The following KLHL13 variants were observed in gnomAD, a reference collection of about 807,000 sequenced individuals.
KLHL13 encodes the protein kelch-like protein 13.
KLHL13 carries 10 observed loss-of-function variants against 37.1 expected under a neutral mutation model. The observed-to-expected ratio is 0.27, with a 90% CI of 0.17 to 0.46. The LOEUF (loss-of-function observed/expected upper bound fraction) is 0.46. Ranked by LOEUF, KLHL13 falls within the 20% of genes least tolerant of loss-of-function variation. The pLI is 1.00. For missense variants in KLHL13, 360 were observed against 509.3 expected (o/e 0.71, Z 2.82); for synonymous variants, 163 against 181.2 (o/e 0.90, Z 0.81).
At chrX:118,024,721 A>T (rs1321830454) in intron 1 of KLHL13, among the ~76,000 whole-genome samples, 1 of 111,963 alleles carries the variant, frequency 8.9e-6, no homozygotes, top group Non-Finnish European at 1.9e-5. Context: ...AAAATTAAAG[A>T]AGCTAACAAT....
chrX:118,041,634 T>C (rs2054507547), intron 1 of KLHL13, among the ~76,000 whole-genome samples: 1 of 112,181 alleles, frequency 8.9e-6, no homozygotes, highest in African/African-American at 3.2e-5. Flanking sequence ...TTTGTTTGAT[T>C]ATTTACACAT....
intron 1 of KLHL13, among the ~76,000 whole-genome samples, chrX:118,061,896 G>C (rs2054746644): frequency 9.0e-6 from 1 of 111,612 alleles, no homozygotes; most frequent in South Asian, 3.7e-4. Flanking sequence ...AAAATGTTCT[G>C]TAACACTAAG....
intron 1 of KLHL13, among the ~76,000 whole-genome samples, chrX:117,961,529 T>C (rs147911606): frequency 0.021 from 2,292 of 111,532 alleles, 26 homozygotes; most frequent in Non-Finnish European, 0.031. Flanking sequence ...ACTTTGAAAA[T>C]GTGATAAAGG....
chrX:117,996,600 C>T (rs552477582), intron 1 of KLHL13, among the ~76,000 whole-genome samples: 1 of 111,463 alleles, frequency 9.0e-6, no homozygotes, highest in East Asian at 2.8e-4. Context: ...CTGAACACTG[C>T]ACCAGTAATT....
intron 1 of KLHL13, among the ~76,000 whole-genome samples, chrX:118,038,157 G>T (rs1292820792): frequency 1.8e-5 from 2 of 112,186 alleles, no homozygotes; most frequent in Non-Finnish European, 3.8e-5. Flanking sequence ...GGAACTAGAA[G>T]TGTCAATGTA....
intron 1 of KLHL13, among the ~76,000 whole-genome samples, chrX:117,984,580 G>A (rs1239609685): frequency 1.8e-5 from 2 of 111,040 alleles, no homozygotes; most frequent in Non-Finnish European, 3.8e-5. Context: ...TATGAAAAAA[G>A]TAGGTGGAAA....
chrX:117,973,080 G>C (rs187226456), exon 1 of KLHL13: 5 of 1,004,124 alleles, frequency 5.0e-6, no homozygotes, highest in Non-Finnish European at 6.3e-6. Flanking sequence ...CCAGAAAAGC[G>C]TTGACTGCAG....
intron 1 of KLHL13, among the ~76,000 whole-genome samples, chrX:118,053,342 A>C (rs963703582): frequency 8.9e-6 from 1 of 111,757 alleles, no homozygotes; most frequent in Admixed American, 9.5e-5. Context: ...CCTTTGTAGG[A>C]ACATGGATGA....
At chrX:117,978,599 G>A (rs2053620818), upstream of KLHL13, among the ~76,000 whole-genome samples, 1 of 110,667 alleles carries the variant, frequency 9.0e-6, no homozygotes, top group South Asian at 3.9e-4. Flanking sequence ...TGGGATGAGT[G>A]GGCAAAAATA....
intron 1 of KLHL13, among the ~76,000 whole-genome samples, chrX:117,995,204 A>G (rs181788299): frequency 1.8e-5 from 2 of 112,220 alleles, no homozygotes; most frequent in Admixed American, 1.9e-4. Context: ...TTTAAAACTT[A>G]CATTTATCTT....
chrX:118,093,448 T>G (rs2055163545), intron 1 of KLHL13, among the ~76,000 whole-genome samples: 1 of 111,684 alleles, frequency 9.0e-6, no homozygotes, highest in Non-Finnish European at 1.9e-5. Context: ...AGAATCAGAT[T>G]TTAGGTCAGG....
intron 1 of KLHL13, 34 bp from the exon 2 acceptor site, chrX:118,028,531 T>G (rs750908162): frequency 3.0e-6 from 2 of 660,374 alleles, no homozygotes; most frequent in Non-Finnish European, 4.6e-6. Flanking sequence ...ATATTTACTA[T>G]GAAGATTAAC....
chrX:117,915,317 TTTTG>T (rs1354579977), intron 4 of KLHL13, among the ~76,000 whole-genome samples: 2 of 110,930 alleles, frequency 1.8e-5, no homozygotes, highest in Non-Finnish European at 1.9e-5. Flanking sequence ...TTCTGATTCT[TTTTG>T]TTTTTCTTTT....
chrX:118,023,190 T>A (rs1397714638), intron 1 of KLHL13, among the ~76,000 whole-genome samples: 1 of 111,827 alleles, frequency 8.9e-6, no homozygotes, highest in Non-Finnish European at 1.9e-5. Context: ...TTACTGACAT[T>A]GGACAGAATT....
chrX:117,978,394 A>G (rs1330858603), upstream of KLHL13, among the ~76,000 whole-genome samples: 3 of 111,715 alleles, frequency 2.7e-5, no homozygotes, highest in Non-Finnish European at 5.6e-5. Context: ...AAAAACAGCA[A>G]TAAGAGATGC....
intron 1 of KLHL13, among the ~76,000 whole-genome samples, chrX:118,086,747 A>T (rs763845778): frequency 3.6e-5 from 4 of 111,674 alleles, no homozygotes; most frequent in Admixed American, 9.5e-5. Flanking sequence ...GCCTCCAGAG[A>T]GAGAAGACTT....
intron 1 of KLHL13, among the ~76,000 whole-genome samples, chrX:117,994,403 G>T (rs919257934): frequency 1.8e-4 from 20 of 110,417 alleles, no homozygotes; most frequent in African/African-American, 6.6e-4. Context: ...ACAGGTGCTT[G>T]CCACAATGCC....
intron 2 of KLHL13, among the ~76,000 whole-genome samples, chrX:117,941,508 T>G (rs763009637): frequency 8.9e-6 from 1 of 111,804 alleles, no homozygotes; most frequent in East Asian, 2.8e-4. Flanking sequence ...CTGCCTCAAT[T>G]TCAGAACTTG....
chrX:117,985,535 C>G (rs1314765926), intron 1 of KLHL13: 6 of 173,843 alleles, frequency 3.5e-5, no homozygotes, highest in African/African-American at 1.9e-4. Flanking sequence ...TATTTCATAT[C>G]TAAACTGCTG....
Sources: gnomAD v4.1 joint callset for allele counts (sites outside exome capture counted in the v4.1 genomes callset) on GRCh38, gnomAD v4.1.1 for gene constraint, MANE v1.5 for transcripts, NCBI Gene and HGNC (gene_info 2026-07-23, HGNC 2026-07-21) for gene names.